Variants in C12orf42 observed in about 807,000 individuals in gnomAD.
C12orf42 encodes chromosome 12 open reading frame 42.
A neutral mutation model predicts 21.6 loss-of-function variants in C12orf42; 25 were observed. The observed-to-expected ratio is 1.16, with a 90% CI of 0.84 to 1.62. C12orf42 has a LOEUF of 1.62. Among genes scored for constraint, C12orf42 ranks in the 40% most tolerant of loss-of-function variants. The probability of loss-of-function intolerance (pLI) is 0.00; values close to 1 mark genes in which losing one functional copy is unlikely to be tolerated. For missense variants in C12orf42, 483 were observed against 459.3 expected (o/e 1.05, Z -0.47); for synonymous variants, 174 against 175.0 (o/e 0.99, Z 0.05).
At chr12:103,305,166 C>T (rs2038147423) in intron 5 of C12orf42, among the ~76,000 whole-genome samples, 1 of 152,138 alleles carries the variant, frequency 6.6e-6, no homozygotes, top group Non-Finnish European at 1.5e-5. Flanking sequence ...ACATATAAAG[C>T]CATAGACCAT....
At chr12:103,334,409 C>G (rs1298125987) in intron 4 of C12orf42, among the ~76,000 whole-genome samples, 2 of 152,184 alleles carry the variant, frequency 1.3e-5, no homozygotes, top group Admixed American at 1.3e-4. Flanking sequence ...GAGTAAGTGT[C>G]ATTGGCATAG....
chr12:103,119,813 C>T, the C12orf42 span, among the ~76,000 whole-genome samples: 1 of 152,204 alleles, frequency 6.6e-6, no homozygotes, highest in Non-Finnish European at 1.5e-5. Context: ...TTGTCTTTTA[C>T]CTCGAAGCCA....
intron 2 of C12orf42, among the ~76,000 whole-genome samples, chr12:103,466,722 A>T (rs1035868386): frequency 5.3e-5 from 8 of 152,188 alleles, no homozygotes; most frequent in Non-Finnish European, 1.2e-4. Flanking sequence ...TCCCTTTGCC[A>T]TATAACGTTG....
chr12:103,136,640 G>T, the C12orf42 span, among the ~76,000 whole-genome samples: 1 of 152,218 alleles, frequency 6.6e-6, no homozygotes, highest in African/African-American at 2.4e-5. Context: ...TATATTACAA[G>T]CTATAGTAAC....
the C12orf42 span, among the ~76,000 whole-genome samples, chr12:103,069,135 A>C: frequency 6.6e-6 from 1 of 150,654 alleles, no homozygotes; most frequent in Non-Finnish European, 1.5e-5. Flanking sequence ...TCTTTTCTTC[A>C]GTTTTCAATC....
the C12orf42 span, chr12:103,559,279 C>A: frequency 0.085 from 10,268 of 120,636 alleles, 390 homozygotes; most frequent in East Asian, 0.12. Flanking sequence ...AGGGGAGATT[C>A]CTAGTTGGTA....
chr12:103,449,311 T>C (rs1009346403), intron 2 of C12orf42, among the ~76,000 whole-genome samples: 2 of 151,810 alleles, frequency 1.3e-5, no homozygotes, highest in African/African-American at 2.4e-5. Flanking sequence ...GGCATAAGAA[T>C]GATACAATGG....
chr12:103,206,057 A>G, the C12orf42 span, among the ~76,000 whole-genome samples: 6 of 152,198 alleles, frequency 3.9e-5, no homozygotes, highest in Non-Finnish European at 1.5e-5. Context: ...ACTCTTGGCC[A>G]CGGGGAACTT....
At chr12:103,069,012 C>G in the C12orf42 span, among the ~76,000 whole-genome samples, 1 of 123,588 alleles carries the variant, frequency 8.1e-6, no homozygotes, top group South Asian at 2.7e-4. Context: ...TTCTGTCCCT[C>G]AAGAGAACCC....
intron 2 of C12orf42, among the ~76,000 whole-genome samples, chr12:103,452,191 G>A (rs1951988864): frequency 6.6e-6 from 1 of 151,962 alleles, no homozygotes; most frequent in African/African-American, 2.4e-5. Flanking sequence ...AAGTGGCAGG[G>A]ATGACTGGAT....
chr12:103,447,021 TATTTGCAG>T (rs1409500119), intron 2 of C12orf42, among the ~76,000 whole-genome samples: 3 of 151,994 alleles, frequency 2.0e-5, no homozygotes, highest in Non-Finnish European at 4.4e-5. Context: ...ACTTAACAGA[TATTTGCAG>T]AACATTCTAT....
intron 2 of C12orf42, among the ~76,000 whole-genome samples, chr12:103,457,573 T>C (rs778886776): frequency 3.9e-5 from 6 of 152,160 alleles, no homozygotes; most frequent in Non-Finnish European, 7.3e-5. Flanking sequence ...TGAATGGGGA[T>C]CTACATGTGT....
the C12orf42 span, among the ~76,000 whole-genome samples, chr12:103,192,195 C>T: frequency 1.1e-4 from 17 of 152,090 alleles, no homozygotes; most frequent in Non-Finnish European, 1.5e-4. Context: ...AATTATATGC[C>T]ACCAACAAGA....
chr12:103,383,030 C>G (rs572416194), intron 3 of C12orf42, among the ~76,000 whole-genome samples: 8 of 152,272 alleles, frequency 5.3e-5, no homozygotes, highest in African/African-American at 1.7e-4. Context: ...TGCACCTGTA[C>G]ATTGTCCTTG....
downstream of C12orf42, among the ~76,000 whole-genome samples, chr12:103,300,644 G>A (rs1427621400): frequency 6.6e-6 from 1 of 152,138 alleles, no homozygotes; most frequent in African/African-American, 2.4e-5. Flanking sequence ...AAGTAATGAT[G>A]TCTTAAACTA....
At chr12:103,217,976 T>C in the C12orf42 span, among the ~76,000 whole-genome samples, 1 of 152,130 alleles carries the variant, frequency 6.6e-6, no homozygotes, top group South Asian at 2.1e-4. Flanking sequence ...ATCATCCCTT[T>C]TCACTTATAG....
chr12:103,480,427 C>T (rs781411693), intron 1 of C12orf42, among the ~76,000 whole-genome samples: 1 of 151,044 alleles, frequency 6.6e-6, no homozygotes, highest in Non-Finnish European at 1.5e-5. Context: ...TGTTTATTTT[C>T]TAATTCATTC....
At chr12:103,139,526 G>GAAGAGCAAAAAGGGGGCCAAAAGT in the C12orf42 span, among the ~76,000 whole-genome samples, 1 of 151,658 alleles carries the variant, frequency 6.6e-6, no homozygotes, top group Non-Finnish European at 1.5e-5. Context: ...GGCTCAAAAA[G>GAAGAGCAAAAAGGGGGCCAAAAGT]AAGAGCAAAA....
the C12orf42 span, among the ~76,000 whole-genome samples, chr12:103,111,021 C>G: frequency 6.6e-6 from 1 of 152,124 alleles, no homozygotes; most frequent in Non-Finnish European, 1.5e-5. Flanking sequence ...TTAATCAAAA[C>G]TCTACATGTT....
Sources: gnomAD v4.1 joint callset for allele counts (sites outside exome capture counted in the v4.1 genomes callset) on GRCh38, gnomAD v4.1.1 for gene constraint, MANE v1.5 for transcripts, NCBI Gene and HGNC (gene_info 2026-07-23, HGNC 2026-07-21) for gene names.